The following NCOA6 variants were observed in gnomAD, a reference collection of about 807,000 sequenced individuals.
The protein encoded by NCOA6 is NRC RAP250.
A neutral mutation model predicts 171.4 loss-of-function variants in NCOA6; 49 were observed. The observed-to-expected ratio is 0.29, with a 90% CI of 0.23 to 0.36. NCOA6 has a LOEUF of 0.36. Ranked by LOEUF, NCOA6 falls within the 10% of genes least tolerant of loss-of-function variation. The pLI is 1.00. For missense variants in NCOA6, 2,248 were observed against 2,554.5 expected (o/e 0.88, Z 2.59); for synonymous variants, 910 against 927.5 (o/e 0.98, Z 0.34).
Position 34,736,677 on chromosome 20 carries a change from A to T in NCOA6, c.5962+13T>A, listed in dbSNP as rs6141510. Reference sequence around the variant, plus strand: ...CATCCCACTCCAAGAAGTTTTTCCAAAGTACGCCTTACCTGGTCTGGCAAC... The same window carrying T: ...CATCCCACTCCAAGAAGTTTTTCCATAGTACGCCTTACCTGGTCTGGCAAC... On this transcript the variant is annotated intron_variant, in intron 12 of 14. Transcript: ENST00000359003. The T allele has an allele frequency of 1.3e-6, 2 of 1,596,570 alleles. No individual in the cohort carries two copies. The highest frequency in any genetic ancestry group is 2.3e-5 in the South Asian group (2 of 87,996).
intron 10 of NCOA6, among the ~76,000 whole-genome samples, chr20:34,746,540 C>T (rs1488577916): frequency 6.6e-6 from 1 of 152,164 alleles, no homozygotes; most frequent in Non-Finnish European, 1.5e-5. Flanking sequence ...CCATCATGCC[C>T]AACCACATTT....
chr20:34,789,094 C>T (rs1166678413), intron 2 of NCOA6, among the ~76,000 whole-genome samples: 2 of 152,130 alleles, frequency 1.3e-5, no homozygotes, highest in Non-Finnish European at 2.9e-5. Flanking sequence ...TACGTGGAAG[C>T]CTGATATTAG....
intron 5 of NCOA6, among the ~76,000 whole-genome samples, chr20:34,759,696 T>C (rs567433250): frequency 1.3e-5 from 2 of 152,332 alleles, no homozygotes; most frequent in African/African-American, 4.8e-5. Context: ...TATCCACCCT[T>C]CTGCTGATGA....
intron 14 of NCOA6, among the ~76,000 whole-genome samples, chr20:34,721,380 T>C (rs548591555): frequency 8.4e-4 from 127 of 151,802 alleles, no homozygotes; most frequent in African/African-American, 3.0e-3. Context: ...TGGAAGCTTC[T>C]ACACTTGGGA....
At chr20:34,751,929 C>T (rs2076501556) in intron 8 of NCOA6, among the ~76,000 whole-genome samples, 1 of 152,140 alleles carries the variant, frequency 6.6e-6, no homozygotes, top group Non-Finnish European at 1.5e-5. Context: ...GCAACCTCGG[C>T]TCATTGCAAC....
At chr20:34,782,426 G>T (rs2077537216) in intron 2 of NCOA6, 22 bp from the exon 3 acceptor site, 2 of 880,482 alleles carry the variant, frequency 2.3e-6, no homozygotes, top group Non-Finnish European at 1.7e-6. Flanking sequence ...AGATGCAAAA[G>T]AGCATTACAA....
At chr20:34,735,900 T>C (rs2145458960) in intron 12 of NCOA6, among the ~76,000 whole-genome samples, 1 of 152,300 alleles carries the variant, frequency 6.6e-6, no homozygotes, top group South Asian at 2.1e-4. Flanking sequence ...GTGTGAATTG[T>C]AGTTTCAATG....
chr20:34,818,539 C>T (rs1306573693), intron 1 of NCOA6, among the ~76,000 whole-genome samples: 2 of 152,168 alleles, frequency 1.3e-5, no homozygotes, highest in Non-Finnish European at 2.9e-5. Context: ...CAATCCTCTT[C>T]TCCAAGCAAA....
intron 1 of NCOA6, among the ~76,000 whole-genome samples, chr20:34,814,966 G>A (rs2078784252): frequency 6.6e-6 from 1 of 152,230 alleles, no homozygotes; most frequent in South Asian, 2.1e-4. Context: ...TATAAAATCA[G>A]GAAGAACTGC....
At chr20:34,736,509 G>C (rs1303994840) in intron 12 of NCOA6, among the ~76,000 whole-genome samples, 181 bp downstream of exon 12, 2 of 152,122 alleles carry the variant, frequency 1.3e-5, no homozygotes, top group African/African-American at 2.4e-5. Flanking sequence ...TGGTCGGGGG[G>C]AAAATAATCT....
At chr20:34,716,407 T>C (rs1988607213) in intron 14 of NCOA6, among the ~76,000 whole-genome samples, 1 of 152,224 alleles carries the variant, frequency 6.6e-6, no homozygotes, top group East Asian at 1.9e-4. Context: ...GTTTCTCTTG[T>C]ACTATCAGTG....
chr20:34,791,387 T>A (rs1018252352), intron 2 of NCOA6, among the ~76,000 whole-genome samples: 1 of 152,222 alleles, frequency 6.6e-6, no homozygotes, highest in African/African-American at 2.4e-5. Context: ...TCTTTGTCAG[T>A]CAGATAAAGA....
intron 8 of NCOA6, among the ~76,000 whole-genome samples, chr20:34,753,425 G>T (rs1360188877): frequency 6.6e-6 from 1 of 151,382 alleles, no homozygotes. Flanking sequence ...ACTTTGGGAG[G>T]CCAAGGCAGG....
intron 1 of NCOA6, among the ~76,000 whole-genome samples, chr20:34,812,356 T>C (rs2078695967): frequency 6.6e-6 from 1 of 152,086 alleles, no homozygotes; most frequent in South Asian, 2.1e-4. Context: ...CAGAGAAACT[T>C]AATGCTCTGA....
intron 1 of NCOA6, among the ~76,000 whole-genome samples, chr20:34,810,727 T>C (rs1026236185): frequency 1.3e-5 from 2 of 152,084 alleles, no homozygotes; most frequent in South Asian, 4.1e-4. Flanking sequence ...AGCTAATTTT[T>C]TTGTATTTTT....
intron 14 of NCOA6, among the ~76,000 whole-genome samples, chr20:34,724,199 C>T (rs1989700296): frequency 6.6e-6 from 1 of 152,070 alleles, no homozygotes; most frequent in Non-Finnish European, 1.5e-5. Flanking sequence ...CCTAAGAGAC[C>T]CTGACTGTGG....
intron 2 of NCOA6, among the ~76,000 whole-genome samples, chr20:34,785,516 A>G (rs1330548414): frequency 1.3e-5 from 2 of 152,054 alleles, no homozygotes; most frequent in Non-Finnish European, 2.9e-5. Context: ...TTTGATTGCC[A>G]TCTGCATTTT....
intron 3 of NCOA6, among the ~76,000 whole-genome samples, chr20:34,781,165 T>C (rs2077506101): frequency 6.6e-6 from 1 of 152,118 alleles, no homozygotes; most frequent in African/African-American, 2.4e-5. Context: ...ATGGAGAACC[T>C]TGTACAACAC....
chr20:34,810,950 C>A (rs961164689), intron 1 of NCOA6, among the ~76,000 whole-genome samples: 1 of 151,662 alleles, frequency 6.6e-6, no homozygotes, highest in Non-Finnish European at 1.5e-5. Context: ...TTCAGATAGA[C>A]TAGCATTATT....
Sources: allele counts gnomAD v4.1 joint callset (sites outside exome capture counted in the v4.1 genomes callset), GRCh38; gene constraint gnomAD v4.1.1; transcripts MANE v1.5; gene names NCBI Gene and HGNC (gene_info 2026-07-23, HGNC 2026-07-21).